Variants in DRG2 observed in about 807,000 individuals in gnomAD.
The protein encoded by DRG2 is developmentally-regulated GTP-binding protein 2.
Under a neutral mutation model 53.4 loss-of-function variants are expected in DRG2, and 36 were observed. The ratio of observed to expected loss-of-function variants is 0.67; its 90% CI spans 0.52 to 0.89. The LOEUF (loss-of-function observed/expected upper bound fraction) is 0.89, where lower values mean the gene tolerates loss of function less well. Among genes scored for constraint, DRG2 ranks in the 40% least tolerant of loss-of-function variants. DRG2 has a pLI of 0.00. For missense variants in DRG2, 342 were observed against 481.2 expected, an observed-to-expected ratio of 0.71 and a Z score of 2.71; for synonymous variants, 167 against 192.1, an observed-to-expected ratio of 0.87 and a Z score of 1.08.
chr17:18,096,564 T>C (rs940229325), intron 2 of DRG2: 1 of 152,280 alleles, frequency 6.6e-6, no homozygotes, highest in Non-Finnish European at 1.5e-5. Context: ...CTCAGGCTCA[T>C]TTTGTATATT....
In DRG2 at chr17:18,098,728, G is replaced by A. The variant is rs566921061; in HGVS notation, c.316-289G>A. ...TTGCTTTGGGCAGCTGAGTGGTATG[G>A]CCTTAAGTTCCCATGGTGAAACAAT... On this transcript the variant is annotated intron_variant, in intron 3 of 12. Transcript: ENST00000225729. This position sits in a 1 kb window ranked among gnomAD's most constrained non-coding sequence, Gnocchi z 4.1. 2.6e-5 allele frequency among the ~76,000 whole-genome samples: 4 copies of A among 152,324 alleles called. No individual in the cohort carries two copies. Among genetic ancestry groups the A allele is most frequent in the Admixed American group, 2.6e-4 (4 of 15,284 alleles).
chr17:18,103,836 A>G lies in DRG2; in HGVS notation c.842A>G (p.Glu281Gly), dbSNP rs201769580. The G allele has an allele frequency of 1.2e-6, 2 of 1,614,106 alleles. No individual in the cohort carries two copies. The highest frequency in any genetic ancestry group is 1.7e-6 in the Non-Finnish European group (2 of 1,180,022). The change falls in exon 10 of 13, where the codon GAG (glutamate) becomes GGG (glycine). Residue 281 changes from glutamate (E) to glycine (G), a missense_variant. Transcript: ENST00000225729. This position sits in a 1 kb window ranked among gnomAD's most constrained non-coding sequence, Gnocchi z 4.4. ...AAGCTGAACCTGGACTATCTGCTGG[A>G]GATGCTTTGGGAGTACTTGGCCCTG... ...GMKLNLDYLL[E>G]MLWEYLALTC...
intron 8 of DRG2, 122 bp downstream of exon 8, chr17:18,101,712 C>T: frequency 1.8e-6 from 2 of 1,098,120 alleles, no homozygotes; most frequent in Non-Finnish European, 2.6e-6. Context: ...CACCTCACCT[C>T]ACCTCAGTGG....
intron 7 of DRG2, 52 bp from the exon 8 acceptor site, chr17:18,101,441 T>C: frequency 1.3e-6 from 2 of 1,578,696 alleles, no homozygotes; most frequent in Non-Finnish European, 1.7e-6. Context: ...CCTCCGCTGA[T>C]GGGGGACAGG....
At chr17:18,089,601 A>T (rs1442529404) in intron 1 of DRG2, among the ~76,000 whole-genome samples, 1 of 152,228 alleles carries the variant, frequency 6.6e-6, no homozygotes, top group Non-Finnish European at 1.5e-5. Context: ...TATGAAGACA[A>T]ACCAGGGTGA....
rs755808354 is a variant in DRG2 at position 18,100,658 on chromosome 17, C to T, written c.630C>T (p.Tyr210=). The T allele has an allele frequency of 9.9e-6, 16 of 1,613,358 alleles. No homozygotes were observed. The African/African-American group carries it at 2.0e-4, about 20-fold the overall frequency. Reference sequence around the variant, plus strand: ...TGGTGCAGCTCATCCTGCACGAATACAGTATCCTTCCCTGAAAGACACGTG... The same window carrying T: ...TGGTGCAGCTCATCCTGCACGAATATAGTATCCTTCCCTGAAAGACACGTG... The part of the protein sequence containing the change: ...EKLVQLILHE[Y]KIFNAEVLFR... Residue 210 remains tyrosine, a splice_region_variant and synonymous_variant, in exon 7 of 13, where the codon TAC becomes TAT. Transcript: ENST00000225729. This position sits in a 1 kb window ranked among gnomAD's most constrained non-coding sequence, Gnocchi z 4.1.
chr17:18,098,607 G>C lies in DRG2; in HGVS notation c.315+248G>C, dbSNP rs976560945. On this transcript the variant is annotated intron_variant, in intron 3 of 12. Coordinates refer to ENST00000225729, the MANE Select transcript of DRG2 (RefSeq NM_001388.5). This position sits in a 1 kb window ranked among gnomAD's most constrained non-coding sequence, Gnocchi z 4.1. The stretch of plus-strand genomic sequence containing the variant: ...GGCTACTTTGCCTGGCGCCCCCTGT[G>C]CTCTCCTCCCCAACACCACCACAGC... The C allele has an allele frequency of 2.0e-6, 1 of 489,274 alleles. No individual in the cohort carries two copies. The highest frequency in any genetic ancestry group is 1.9e-5 in the African/African-American group (1 of 51,458). 30.3% of individuals were successfully genotyped at this position (489,274 alleles called of 1,614,324 possible). A position where few individuals can be genotyped will look rare whatever the true frequency, so the allele number is the denominator to read the frequency against.
intron 9 of DRG2, among the ~76,000 whole-genome samples, chr17:18,102,620 CAAAAAAAA>C (rs60412520): frequency 1.3e-5 from 1 of 77,980 alleles, no homozygotes. Context: ...GACTCCATCT[CAAAAAAAA>C]AAAAAAAAAA....
chr17:18,107,146 TCACCCAGGGCACCAGCACC>T lies in DRG2; in HGVS notation c.1009-7_1020del. 6.2e-7 allele frequency: 1 copy of T among 1,613,020 alleles called. No homozygotes were observed. Among genetic ancestry groups the T allele is most frequent in the Non-Finnish European group, 8.5e-7 (1 of 1,179,898 alleles). The stretch of plus-strand genomic sequence containing the variant: ...GAGGTGACCCCTCTGCCCCCATTCC[TCACCCAGGGCACCAGCACC>T]AAGTACAGTCCGCAGCGGGTGGGCC... On this transcript the variant is annotated splice_acceptor_variant and splice_polypyrimidine_tract_variant and coding_sequence_variant and intron_variant, in exon 13 of 13. Transcript: ENST00000225729. LOFTEE classifies it high-confidence loss of function.
At chr17:18,101,039 G>T (rs904701394) in intron 7 of DRG2, among the ~76,000 whole-genome samples, 1 of 152,172 alleles carries the variant, frequency 6.6e-6, no homozygotes, top group Non-Finnish European at 1.5e-5. Flanking sequence ...CCTGGGGATA[G>T]GGCAGGGCCT....
intron 11 of DRG2, 67 bp from the exon 12 acceptor site, chr17:18,106,366 G>A (rs2045630930): frequency 5.1e-6 from 8 of 1,579,794 alleles, no homozygotes; most frequent in Admixed American, 5.0e-5. Flanking sequence ...CTTTGGGTGT[G>A]CAGCCAAGCT....
chr17:18,094,213 C>G (rs1389195577), intron 2 of DRG2: 1 of 489,792 alleles, frequency 2.0e-6, no homozygotes, highest in East Asian at 3.6e-5. Context: ...AAATACTTCT[C>G]GAGTGTGTAT....
chr17:18,102,086 G>A lies in DRG2; in HGVS notation c.806+89G>A, dbSNP rs180690885. 2,411 of 1,395,212 alleles carry A rather than the reference G, an allele frequency of 1.7e-3. 34 individuals are homozygous for A. The African/African-American group carries it at 0.024, about 14-fold the overall frequency. 86.4% of individuals were successfully genotyped at this position (1,395,212 alleles called of 1,614,324 possible). On this transcript the variant is annotated intron_variant, in intron 9 of 12. Coordinates refer to ENST00000225729, the MANE Select transcript of DRG2 (RefSeq NM_001388.5). ...GCCTCCCAGCCACTTTGGCTGTGGA[G>A]GAGGAAAAGCCAGCACAGCCTCCAG...
In DRG2 at chr17:18,098,968, C is replaced by G; in HGVS notation, c.316-49C>G. 1 of 1,605,976 alleles carries G rather than the reference C, an allele frequency of 6.2e-7. No individual in the cohort carries two copies. The highest frequency in any genetic ancestry group is 8.5e-7 in the Non-Finnish European group (1 of 1,173,242). On this transcript the variant is annotated intron_variant, in intron 3 of 12. Coordinates refer to ENST00000225729, the MANE Select transcript of DRG2 (RefSeq NM_001388.5). This position sits in a 1 kb window ranked among gnomAD's most constrained non-coding sequence, Gnocchi z 4.1. ...TGTCCCAGATCCAGACAGGACCTTT[C>G]CAGTGGAGGCCCAGCCTTGCCTTAC... is the stretch of plus-strand genomic sequence containing the variant.
intron 9 of DRG2, among the ~76,000 whole-genome samples, chr17:18,102,526 C>G (rs854811): frequency 0.18 from 26,915 of 148,616 alleles, 2,675 homozygotes; most frequent in South Asian, 0.28. Flanking sequence ...GAGGCTGAGG[C>G]AGGAGGATCA....
Position 18,098,284 on chromosome 17 carries a change from T to G in DRG2, c.240T>G (p.Ser80Arg). The G allele has an allele frequency of 1.9e-6, 3 of 1,613,852 alleles. No homozygotes were observed. The highest frequency in any genetic ancestry group is 2.5e-6 in the Non-Finnish European group (3 of 1,179,824). ...FPSVGKSTFL[S>R]LMTSTASEAA... ...TTTTCTCCTAGTCCACATTCTTGAG[T>G]CTGATGACCTCCACGGCCAGCGAGG... is the stretch of plus-strand genomic sequence containing the variant. Residue 80 changes from serine (S) to arginine (R), a missense_variant, in exon 3 of 13, where the codon AGT becomes AGG. Physicochemically the swap from Ser to Arg is moderately radical, Grantham distance 110. Coordinates refer to ENST00000225729, the MANE Select transcript of DRG2 (RefSeq NM_001388.5). This position sits in a 1 kb window ranked among gnomAD's most constrained non-coding sequence, Gnocchi z 4.1.
chr17:18,106,300 C>G, intron 11 of DRG2, 133 bp from the exon 12 acceptor site: 1 of 944,012 alleles, frequency 1.1e-6, no homozygotes, highest in Non-Finnish European at 1.7e-6. Flanking sequence ...CACACAAGGC[C>G]CAGACTGTGT....
Position 18,093,944 on chromosome 17 carries a change from G to A in DRG2, c.196G>A (p.Ala66Thr). 2 of 1,614,190 alleles carry A rather than the reference G, an allele frequency of 1.2e-6. No individual in the cohort carries two copies. The highest frequency in any genetic ancestry group is 1.7e-6 in the Non-Finnish European group (2 of 1,180,034). ...CATGAAGTCGGGTGATGCCCGTGTG[G>A]CGCTGATTGGATTTCCCTCTGTGGG... ...DVMKSGDARV[A>T]LIGFPSVGKS... Residue 66 changes from alanine to threonine, a missense_variant, in exon 2 of 13, where the codon GCG becomes ACG. By Grantham distance (58) the Ala-to-Thr change is moderately conservative. Transcript: ENST00000225729.
chr17:18,089,016 G>A (rs77885002), intron 1 of DRG2, among the ~76,000 whole-genome samples: 13,431 of 152,250 alleles, frequency 0.088, 947 homozygotes, highest in South Asian at 0.37. Context: ...AGCCATTCAG[G>A]CTTGTGGGAG....
Sources: allele counts gnomAD v4.1 joint callset (sites outside exome capture counted in the v4.1 genomes callset), GRCh38; gene constraint gnomAD v4.1.1; non-coding constraint Gnocchi (gnomAD v3.1); transcripts MANE v1.5; gene names NCBI Gene and HGNC (gene_info 2026-07-23, HGNC 2026-07-21).